Variants in CNTNAP5 observed in about 807,000 individuals in gnomAD.
CNTNAP5 encodes the protein contactin-associated protein-like 5.
A neutral mutation model predicts 150.2 loss-of-function variants in CNTNAP5; 72 were observed. The ratio of observed to expected loss-of-function variants is 0.48; its 90% CI spans 0.40 to 0.58. CNTNAP5 has a LOEUF of 0.58. Ranked by LOEUF, CNTNAP5 falls within the 20% of genes least tolerant of loss-of-function variation. CNTNAP5 has a pLI of 0.00. For synonymous variants in CNTNAP5, 672 were observed against 619.8 expected, an observed-to-expected ratio of 1.08 and a Z score of -1.25; for missense variants, 1,636 against 1,626.2, an observed-to-expected ratio of 1.01 and a Z score of -0.10.
intron 13 of CNTNAP5, among the ~76,000 whole-genome samples, chr2:124,683,682 A>T (rs1481764512): frequency 6.6e-6 from 1 of 152,100 alleles, no homozygotes; most frequent in Non-Finnish European, 1.5e-5. Context: ...TCCGTTAATC[A>T]CTAGAAACAA....
At chr2:124,878,701 CTT>C (rs547474489) in intron 21 of CNTNAP5, among the ~76,000 whole-genome samples, 7 of 143,724 alleles carry the variant, frequency 4.9e-5, no homozygotes, top group South Asian at 2.2e-4. Context: ...TTGTTCTTTT[CTT>C]TTTTTTTTTT....
chr2:124,707,042 G>GAAGAAGAAGA (rs1558743488), intron 13 of CNTNAP5, among the ~76,000 whole-genome samples: 6 of 76,048 alleles, frequency 7.9e-5, no homozygotes, highest in African/African-American at 3.5e-4. Flanking sequence ...GAAGAAGAAG[G>GAAGAAGAAGA]AGGAGGAGGA....
At chr2:124,254,631 A>G (rs755497849) in intron 3 of CNTNAP5, among the ~76,000 whole-genome samples, 2 of 152,222 alleles carry the variant, frequency 1.3e-5, no homozygotes, top group Non-Finnish European at 2.9e-5. Context: ...TGTTTAAGTC[A>G]GTTCCCAGTA....
chr2:124,323,533 C>T (rs1291148571), intron 3 of CNTNAP5, among the ~76,000 whole-genome samples: 1 of 152,128 alleles, frequency 6.6e-6, no homozygotes. Context: ...GAGGACGACA[C>T]CTGTGGACCC....
chr2:124,057,447 A>ACTTTTTTTTTTTTTTTTTTTTTTTTT (rs1681882946), intron 1 of CNTNAP5, among the ~76,000 whole-genome samples: 1 of 27,526 alleles, frequency 3.6e-5, no homozygotes, highest in Non-Finnish European at 7.2e-5. Flanking sequence ...ACGGCCAGCT[A>ACTTTTTTTTTTTTTTTTTTTTTTTTT]ATTTTTTTTT....
At chr2:124,343,189 G>T (rs1225947468) in intron 3 of CNTNAP5, among the ~76,000 whole-genome samples, 8 of 152,134 alleles carry the variant, frequency 5.3e-5, no homozygotes, top group Non-Finnish European at 1.2e-4. Context: ...GATTATTTCT[G>T]CAGTGTTTAT....
At chr2:124,102,999 G>A (rs975702222) in intron 1 of CNTNAP5, among the ~76,000 whole-genome samples, 3 of 152,058 alleles carry the variant, frequency 2.0e-5, no homozygotes, top group African/African-American at 7.2e-5. Context: ...ACATTACAGC[G>A]AATGGACCAC....
intron 2 of CNTNAP5, among the ~76,000 whole-genome samples, chr2:124,234,866 C>G (rs1207565694): frequency 6.6e-6 from 1 of 152,172 alleles, no homozygotes; most frequent in Non-Finnish European, 1.5e-5. Context: ...ACTATAGACA[C>G]TGACAGACAC....
chr2:124,411,345 A>C (rs867075391), intron 3 of CNTNAP5, among the ~76,000 whole-genome samples: 1 of 152,162 alleles, frequency 6.6e-6, no homozygotes. Context: ...TCCAATCAAT[A>C]GAAAAAGAGG....
At chr2:124,629,951 A>AAAAAAAAAAAAAAAAAAC (rs1422707257) in intron 12 of CNTNAP5, among the ~76,000 whole-genome samples, 1 of 148,794 alleles carries the variant, frequency 6.7e-6, no homozygotes, top group Non-Finnish European at 1.5e-5. Context: ...AAAAAAAAAA[A>AAAAAAAAAAAAAAAAAAC]AAAACTGGAA....
chr2:124,630,591 T>C (rs1677831662), intron 12 of CNTNAP5, among the ~76,000 whole-genome samples: 1 of 152,114 alleles, frequency 6.6e-6, no homozygotes, highest in African/African-American at 2.4e-5. Context: ...ATAAGAACCA[T>C]TTATGAAAAA....
At chr2:124,881,358 G>C (rs1677960765) in intron 21 of CNTNAP5, among the ~76,000 whole-genome samples, 1 of 151,828 alleles carries the variant, frequency 6.6e-6, no homozygotes, top group Non-Finnish European at 1.5e-5. Flanking sequence ...CTGGGTAGGT[G>C]GGTGGCAGAG....
intron 13 of CNTNAP5, among the ~76,000 whole-genome samples, chr2:124,666,559 C>G (rs1678705287): frequency 6.6e-6 from 1 of 152,168 alleles, no homozygotes; most frequent in South Asian, 2.1e-4. Flanking sequence ...CCCTTCCCAT[C>G]ATGACAGGGA....
At chr2:124,768,530 A>G (rs1025613578) in intron 16 of CNTNAP5, among the ~76,000 whole-genome samples, 3 of 152,246 alleles carry the variant, frequency 2.0e-5, no homozygotes, top group East Asian at 1.9e-4. Flanking sequence ...ATTAGACACT[A>G]TACAATTCTT....
chr2:124,899,296 T>C (rs1299374159), intron 21 of CNTNAP5, among the ~76,000 whole-genome samples: 2 of 151,472 alleles, frequency 1.3e-5, no homozygotes, highest in Non-Finnish European at 2.9e-5. Context: ...GGGATAACAT[T>C]GAAGAAACAT....
intron 13 of CNTNAP5, among the ~76,000 whole-genome samples, chr2:124,653,911 A>AC (rs70996088): frequency 0.052 from 2,984 of 57,372 alleles, 198 homozygotes; most frequent in African/African-American, 0.11. Context: ...ACTGCCCCCA[A>AC]CCCCCCCCCC....
At chr2:124,314,350 G>T (rs957029965) in intron 3 of CNTNAP5, among the ~76,000 whole-genome samples, 1 of 152,134 alleles carries the variant, frequency 6.6e-6, no homozygotes, top group South Asian at 2.1e-4. Context: ...AGTAAGAAAA[G>T]CTATTTCTCC....
intron 6 of CNTNAP5, among the ~76,000 whole-genome samples, chr2:124,453,932 T>C: frequency 6.6e-6 from 1 of 152,078 alleles, no homozygotes. Context: ...AAAGAGCCTC[T>C]TTAAAGCATA....
At chr2:124,610,813 G>A (rs976840813) in intron 12 of CNTNAP5, among the ~76,000 whole-genome samples, 5 of 152,032 alleles carry the variant, frequency 3.3e-5, no homozygotes, top group Non-Finnish European at 7.4e-5. Context: ...ACAAAAATTA[G>A]CTGGGTGCGG....
Sources: allele counts gnomAD v4.1 joint callset (sites outside exome capture counted in the v4.1 genomes callset), GRCh38; gene constraint gnomAD v4.1.1; transcripts MANE v1.5; gene names NCBI Gene and HGNC (gene_info 2026-07-23, HGNC 2026-07-21).